The following RNASEH2A variants were observed in gnomAD, a reference collection of about 807,000 sequenced individuals.
RNASEH2A encodes RNase H(35).
A neutral mutation model predicts 32.7 loss-of-function variants in RNASEH2A; 30 were observed. The ratio of observed to expected loss-of-function variants is 0.92; its 90% confidence interval spans 0.69 to 1.25. The LOEUF is 1.25. Among genes scored for constraint, RNASEH2A ranks in the 50% most tolerant of loss-of-function variants. The pLI, the probability that RNASEH2A is intolerant of heterozygous loss-of-function variation, is 0.00. For missense variants in RNASEH2A, 409 were observed against 398.1 expected (o/e 1.03, Z -0.23); for synonymous variants, 147 against 165.4 (o/e 0.89, Z 0.86).
In RNASEH2A at chr19:12,806,591, G is replaced by T; in HGVS notation, c.-83G>T. ...CGCGGATTGGCCGGAAGCAGGCGCC[G>T]CTTCGAGGCCCGCGGAAAACGCGCG... On this transcript the variant is annotated 5_prime_UTR_variant, in exon 1 of 8. Coordinates refer to ENST00000221486, the MANE Select transcript of RNASEH2A (RefSeq NM_006397.3). 7.1e-6 allele frequency: 11 copies of T among 1,542,968 alleles called. No individual in the cohort carries two copies. The South Asian group carries it at 1.1e-4, about 15-fold the overall frequency.
intron 6 of RNASEH2A, among the ~76,000 whole-genome samples, chr19:12,812,146 A>T (rs547881860): frequency 8.5e-5 from 13 of 152,112 alleles, no homozygotes; most frequent in Non-Finnish European, 1.3e-4. Flanking sequence ...AGGTGAGAGG[A>T]TGGCTTGAGC....
intron 6 of RNASEH2A, among the ~76,000 whole-genome samples, chr19:12,811,969 G>T (rs946705710): frequency 2.8e-4 from 43 of 151,800 alleles, no homozygotes; most frequent in Non-Finnish European, 4.9e-4. Context: ...TGGGCCAGGT[G>T]GCTCATGCCC....
At position 12,807,095 on chromosome 19, in the gene RNASEH2A, G is replaced by T. The variant is rs750227576; in HGVS notation, c.199+16G>T. 9 of 1,614,164 alleles carry T rather than the reference G, an allele frequency of 5.6e-6. No homozygotes were observed. Among genetic ancestry groups the T allele is most frequent in the South Asian group, 2.2e-5 (2 of 91,090 alleles). ...AAAGTGGCAGGTGAGCCCGAGGTGTGCGTCTGGGGAAGGGATTCCTGGGTA... is the reference window on the plus strand; with the variant it reads ...AAAGTGGCAGGTGAGCCCGAGGTGTTCGTCTGGGGAAGGGATTCCTGGGTA... On this transcript the variant is annotated intron_variant, in intron 2 of 7. Coordinates refer to ENST00000221486, the MANE Select transcript of RNASEH2A (RefSeq NM_006397.3).
At chr19:12,808,394 C>G (rs183702210) in intron 4 of RNASEH2A, among the ~76,000 whole-genome samples, 2 of 152,218 alleles carry the variant, frequency 1.3e-5, no homozygotes, top group African/African-American at 4.8e-5. Flanking sequence ...GCCACACTGA[C>G]GACCACAGTG....
At chr19:12,812,501 C>T (rs1270418500) in intron 6 of RNASEH2A, among the ~76,000 whole-genome samples, 3 of 152,068 alleles carry the variant, frequency 2.0e-5, no homozygotes, top group Non-Finnish European at 4.4e-5. Context: ...CATTGCACTA[C>T]AGCCTGGGTG....
chr19:12,807,365 T>C, intron 3 of RNASEH2A, 36 bp downstream of exon 3: 2 of 1,614,210 alleles, frequency 1.2e-6, no homozygotes, highest in Non-Finnish European at 8.5e-7. Flanking sequence ...CAGCATGGGC[T>C]GACCAAGCTT....
intron 6 of RNASEH2A, among the ~76,000 whole-genome samples, chr19:12,811,843 G>A (rs1322329525): frequency 6.6e-6 from 1 of 151,898 alleles, no homozygotes; most frequent in Non-Finnish European, 1.5e-5. Flanking sequence ...CTTAAACCTG[G>A]GAGGTGGAGG....
In RNASEH2A at chr19:12,813,344, G is replaced by C; in HGVS notation, c.778G>C (p.Glu260Gln). Reference sequence around the variant, plus strand: ...CTCCCACAGGGAGGACTCAGCATCCGAGAATCAGGAGGGACTCAGGAAGAT... The same window carrying C: ...CTCCCACAGGGAGGACTCAGCATCCCAGAATCAGGAGGGACTCAGGAAGAT... ...EDVIWEDSASENQEGLRKITS... is the reference protein window; with the variant it reads ...EDVIWEDSASQNQEGLRKITS... Residue 260 changes from glutamate (E) to glutamine (Q), a missense_variant, in exon 8 of 8, where the codon GAG (glutamate) becomes CAG (glutamine). Transcript: ENST00000221486. 1 of 1,614,108 alleles carries C rather than the reference G, an allele frequency of 6.2e-7. No individual in the cohort carries two copies.
In RNASEH2A at chr19:12,810,311, C is replaced by T. The variant is rs759687766; in HGVS notation, c.550-6C>T. ...GGGAGATTCCAGGTGCCTGTTTTGC[C>T]CACAGGTGGCCCGGGACCAGGCCGT... On this transcript the variant is annotated splice_region_variant and splice_polypyrimidine_tract_variant and intron_variant, in intron 5 of 7. Transcript: ENST00000221486. The T allele has an allele frequency of 6.3e-5, 102 of 1,614,122 alleles. 3 individuals carry two copies. In the South Asian group the frequency reaches 1.1e-3, roughly 17 times the overall value.
At position 12,806,752 on chromosome 19, in the gene RNASEH2A, G is replaced by C. The variant is rs770044946; in HGVS notation, c.79G>C (p.Glu27Gln). Residue 27 changes from glutamate to glutamine, a missense_variant, in exon 1 of 8, where the codon GAG becomes CAG. By Grantham distance (29) the Glu-to-Gln change is conservative. Coordinates refer to ENST00000221486, the MANE Select transcript of RNASEH2A (RefSeq NM_006397.3). ...SSPVPAVCRK[E>Q]PCVLGVDEAG... is the part of the protein sequence containing the mutation. ...GCCTGTGCCCGCGGTGTGCCGCAAGGAGCCTTGCGTCCTGGGCGTCGATGA... is the reference window on the plus strand; with the variant it reads ...GCCTGTGCCCGCGGTGTGCCGCAAGCAGCCTTGCGTCCTGGGCGTCGATGA... 323 of 1,573,924 alleles carry C rather than the reference G, an allele frequency of 2.1e-4. 2 individuals are homozygous for C. The highest frequency in any genetic ancestry group is 2.7e-4 in the Non-Finnish European group (311 of 1,159,582).
intron 4 of RNASEH2A, among the ~76,000 whole-genome samples, chr19:12,808,417 C>A (rs1432437912): frequency 6.6e-6 from 1 of 151,944 alleles, no homozygotes; most frequent in Non-Finnish European, 1.5e-5. Context: ...GCCCCTAGTC[C>A]CGTCTCCATC....
At position 12,807,434 on chromosome 19, in the gene RNASEH2A, G is replaced by A. The variant is rs145176499; in HGVS notation, c.339G>A (p.Leu113=). The change falls in exon 4 of 8, where the codon CTG becomes CTA. Residue 113 remains leucine (L), a synonymous_variant. Coordinates refer to ENST00000221486, the MANE Select transcript of RNASEH2A (RefSeq NM_006397.3). The part of the protein sequence containing the change: ...TSMLGRVKYN[L]NSLSHDTATG... ...CCCACCACAGGGTCAAATACAACCTGAACTCCCTGTCACATGATACAGCCA... is the reference window on the plus strand; with the variant it reads ...CCCACCACAGGGTCAAATACAACCTAAACTCCCTGTCACATGATACAGCCA... 4 of 1,614,170 alleles carry A rather than the reference G, an allele frequency of 2.5e-6. No individual in the cohort carries two copies. The highest frequency in any genetic ancestry group is 3.4e-6 in the Non-Finnish European group (4 of 1,180,044).
chr19:12,812,392 TATG>T (rs1157562414), intron 6 of RNASEH2A, among the ~76,000 whole-genome samples: 1 of 151,150 alleles, frequency 6.6e-6, no homozygotes. Flanking sequence ...ATTAGCCAGG[TATG>T]GTGGTGGGTG....
chr19:12,810,417 G>T lies in RNASEH2A; in HGVS notation c.637+13G>T, dbSNP rs73503453. The T allele has an allele frequency of 6.2e-7, 1 of 1,608,644 alleles. No individual in the cohort carries two copies. Among genetic ancestry groups the T allele is most frequent in the Admixed American group, 1.7e-5 (1 of 60,004 alleles). On this transcript the variant is annotated intron_variant, in intron 6 of 7. Transcript: ENST00000221486. ...GGCTACCCCAATGGTGAGCAGACACGTGACCATGGTACTAATGTTGAAATG... is the reference window on the plus strand; with the variant it reads ...GGCTACCCCAATGGTGAGCAGACACTTGACCATGGTACTAATGTTGAAATG...
intron 2 of RNASEH2A, 21 bp downstream of exon 2, chr19:12,807,100 T>C: frequency 1.2e-6 from 2 of 1,614,098 alleles, no homozygotes; most frequent in Middle Eastern, 1.7e-4. Context: ...GGTGTGCGTC[T>C]GGGGAAGGGA....
In RNASEH2A at chr19:12,806,995, C is replaced by T. The variant is rs201345414; in HGVS notation, c.128-13C>T. The T allele has an allele frequency of 6.0e-5, 96 of 1,613,188 alleles. No homozygotes were observed. The highest frequency in any genetic ancestry group is 7.6e-6 in the Non-Finnish European group (9 of 1,179,912). Reference sequence around the variant, plus strand: ...ACCCCGGCTGCCAGAAAACTGACACCCCTTCTCCCCAGGCCCCATGGTCTA... The same window carrying T: ...ACCCCGGCTGCCAGAAAACTGACACTCCTTCTCCCCAGGCCCCATGGTCTA... On this transcript the variant is annotated splice_polypyrimidine_tract_variant and intron_variant, in intron 1 of 7. Transcript: ENST00000221486.
intron 6 of RNASEH2A, among the ~76,000 whole-genome samples, chr19:12,810,623 T>C (rs1158159380): frequency 6.6e-6 from 1 of 152,132 alleles, no homozygotes; most frequent in African/African-American, 2.4e-5. Flanking sequence ...CTCCACCTCC[T>C]GGCTTCAAGC....
At chr19:12,808,130 T>TA (rs1292340075) in intron 4 of RNASEH2A, among the ~76,000 whole-genome samples, 2 of 151,920 alleles carry the variant, frequency 1.3e-5, no homozygotes, top group African/African-American at 4.8e-5. Context: ...CGGGTGCCTG[T>TA]AATCCCACCT....
chr19:12,806,705 C>T lies in RNASEH2A; in HGVS notation c.32C>T (p.Thr11Ile), dbSNP rs373265362. Residue 11 changes from threonine to isoleucine, a missense_variant, in exon 1 of 8, where the codon ACA (threonine) becomes ATA (isoleucine). Physicochemically the swap from Thr to Ile is moderately conservative, Grantham distance 89. Coordinates refer to ENST00000221486, the MANE Select transcript of RNASEH2A (RefSeq NM_006397.3). MDLSELERDNTGRCRLSSPVP... is the reference protein window; with the variant it reads MDLSELERDNIGRCRLSSPVP... ...CTCAGCGAGCTGGAGAGAGACAATACAGGCCGCTGTCGCCTGAGTTCGCCT... is the reference window on the plus strand; with the variant it reads ...CTCAGCGAGCTGGAGAGAGACAATATAGGCCGCTGTCGCCTGAGTTCGCCT... 9.5e-6 allele frequency: 15 copies of T among 1,570,980 alleles called. No homozygotes were observed. The African/African-American group carries it at 1.2e-4, about 13-fold the overall frequency.
Sources: allele counts gnomAD v4.1 joint callset (sites outside exome capture counted in the v4.1 genomes callset), GRCh38; gene constraint gnomAD v4.1.1; transcripts MANE v1.5; gene names NCBI Gene and HGNC (gene_info 2026-07-23, HGNC 2026-07-21).